The following GRID2 variants were observed in gnomAD, a reference collection of about 807,000 sequenced individuals.
GRID2 encodes glutamate receptor ionotropic, delta-2.
In GRID2, 33 loss-of-function variants were observed where a neutral mutation model predicts 114.8. The observed-to-expected ratio is 0.29, with a 90% CI of 0.22 to 0.38. GRID2 has a LOEUF of 0.38. Among genes scored for constraint, GRID2 ranks in the 10% least tolerant of loss-of-function variants. The pLI is 1.00. For missense variants in GRID2, 1,184 were observed against 1,257.7 expected (o/e 0.94, Z 0.89); for synonymous variants, 505 against 449.9 (o/e 1.12, Z -1.55).
At chr4:93,556,496 G>A (rs997819196) in intron 13 of GRID2, among the ~76,000 whole-genome samples, 2 of 152,074 alleles carry the variant, frequency 1.3e-5, no homozygotes, top group Non-Finnish European at 2.9e-5. Flanking sequence ...TCAAACAGAA[G>A]AAAAGATATC....
chr4:92,467,718 A>G (rs1295281927), intron 1 of GRID2, among the ~76,000 whole-genome samples: 1 of 151,986 alleles, frequency 6.6e-6, no homozygotes, highest in Non-Finnish European at 1.5e-5. Context: ...AACTTGAACG[A>G]ACACTCAAAT....
At chr4:92,389,348 TA>T (rs1232331984) in intron 1 of GRID2, among the ~76,000 whole-genome samples, 4 of 152,204 alleles carry the variant, frequency 2.6e-5, no homozygotes. Context: ...TTTCCTTAAA[TA>T]ATTTTCTCTT....
chr4:93,223,255 A>G (rs1745103245), intron 6 of GRID2, among the ~76,000 whole-genome samples: 1 of 152,152 alleles, frequency 6.6e-6, no homozygotes, highest in Non-Finnish European at 1.5e-5. Flanking sequence ...GAAAATAGCC[A>G]GTCCTAATAC....
chr4:92,670,387 A>G (rs1489813750), intron 2 of GRID2, among the ~76,000 whole-genome samples: 1 of 151,926 alleles, frequency 6.6e-6, no homozygotes, highest in African/African-American at 2.4e-5. Flanking sequence ...TTTTTTTTAA[A>G]CTGATTTAAT....
chr4:92,351,880 C>G (rs1488744456), intron 1 of GRID2, among the ~76,000 whole-genome samples: 1 of 151,780 alleles, frequency 6.6e-6, no homozygotes, highest in Non-Finnish European at 1.5e-5. Flanking sequence ...TGTATATATA[C>G]CACATTTTCT....
intron 2 of GRID2, among the ~76,000 whole-genome samples, chr4:92,725,394 T>G (rs1384346619): frequency 1.3e-5 from 2 of 152,172 alleles, no homozygotes; most frequent in Admixed American, 6.5e-5. Context: ...AAAGGGGCTA[T>G]GGAGAATAGT....
intron 13 of GRID2, among the ~76,000 whole-genome samples, chr4:93,587,129 T>G (rs530618331): frequency 1.3e-5 from 2 of 152,214 alleles, no homozygotes; most frequent in African/African-American, 2.4e-5. Context: ...CCCTCTGTTC[T>G]CTGCCTCTGA....
At chr4:92,401,224 A>G (rs1730774240) in intron 1 of GRID2, among the ~76,000 whole-genome samples, 1 of 152,130 alleles carries the variant, frequency 6.6e-6, no homozygotes, top group African/African-American at 2.4e-5. Flanking sequence ...CATTTTTAAC[A>G]TTTCTTTCCT....
At chr4:92,482,890 ATTGT>A (rs1375959126) in intron 1 of GRID2, among the ~76,000 whole-genome samples, 12 of 152,138 alleles carry the variant, frequency 7.9e-5, no homozygotes, top group African/African-American at 2.9e-4. Flanking sequence ...TATGTCTATC[ATTGT>A]TTTAGAAATT....
intron 2 of GRID2, among the ~76,000 whole-genome samples, chr4:92,663,797 C>T (rs62309223): frequency 0.061 from 9,177 of 150,990 alleles, 338 homozygotes; most frequent in East Asian, 0.16. Context: ...AAATCTCTAT[C>T]CTCCTGTCCC....
chr4:92,495,553 C>T (rs1434030577), intron 1 of GRID2, among the ~76,000 whole-genome samples: 1 of 151,768 alleles, frequency 6.6e-6, no homozygotes, highest in Non-Finnish European at 1.5e-5. Flanking sequence ...GGAAGTTATA[C>T]AGAAATTAAG....
chr4:92,936,180 T>C lies in GRID2; in HGVS notation c.245-148815T>C, dbSNP rs192172162. 4.9e-3 allele frequency among the ~76,000 whole-genome samples: 721 copies of C among 147,140 alleles called. 19 individuals carry two copies. Among genetic ancestry groups the C allele is most frequent in the African/African-American group, 0.016 (675 of 41,304 alleles). Reference sequence around the variant, plus strand: ...AATTTTCTTTCAATTGTTACATTTATATTGTGATCTTCACAAACGAATCAT... The same window carrying C: ...AATTTTCTTTCAATTGTTACATTTACATTGTGATCTTCACAAACGAATCAT... On this transcript the variant is annotated intron_variant, in intron 2 of 15. Transcript: ENST00000282020.
At chr4:93,037,259 C>A (rs2149264212) in intron 2 of GRID2, among the ~76,000 whole-genome samples, 1 of 152,238 alleles carries the variant, frequency 6.6e-6, no homozygotes, top group South Asian at 2.1e-4. Flanking sequence ...CTAGTTACTT[C>A]TTGAGGAAGG....
intron 8 of GRID2, among the ~76,000 whole-genome samples, chr4:93,391,360 T>A (rs1048200177): frequency 1.3e-5 from 2 of 152,202 alleles, no homozygotes; most frequent in Non-Finnish European, 2.9e-5. Context: ...CATTTCTAAG[T>A]GGCTGGCTTT....
intron 14 of GRID2, among the ~76,000 whole-genome samples, chr4:93,750,933 C>T (rs1179196339): frequency 6.6e-6 from 1 of 152,062 alleles, no homozygotes; most frequent in Non-Finnish European, 1.5e-5. Context: ...AAATACAGTT[C>T]AAGGTTTGGG....
chr4:93,146,741 T>C (rs1181229785), intron 4 of GRID2, among the ~76,000 whole-genome samples: 1 of 152,136 alleles, frequency 6.6e-6, no homozygotes, highest in East Asian at 1.9e-4. Flanking sequence ...TATTGTGCAC[T>C]TAGTGTGTAA....
At chr4:93,023,402 C>A (rs1363973605) in intron 2 of GRID2, among the ~76,000 whole-genome samples, 1 of 151,868 alleles carries the variant, frequency 6.6e-6, no homozygotes, top group Non-Finnish European at 1.5e-5. Context: ...TGAAGAAGCT[C>A]TGCAATAAGG....
intron 2 of GRID2, among the ~76,000 whole-genome samples, chr4:93,009,366 G>A (rs118150912): frequency 6.6e-6 from 1 of 152,098 alleles, no homozygotes; most frequent in Non-Finnish European, 1.5e-5. Flanking sequence ...TCAGGGTCTG[G>A]TGAGAGGATA....
intron 2 of GRID2, among the ~76,000 whole-genome samples, chr4:92,907,084 T>A: frequency 6.6e-6 from 1 of 152,220 alleles, no homozygotes; most frequent in East Asian, 1.9e-4. Context: ...TAATGGAATT[T>A]GTTTTTATAG....
Sources: gnomAD v4.1 joint callset for allele counts (sites outside exome capture counted in the v4.1 genomes callset) on GRCh38, gnomAD v4.1.1 for gene constraint, MANE v1.5 for transcripts, NCBI Gene and HGNC (gene_info 2026-07-23, HGNC 2026-07-21) for gene names.